SHANK2: variants seen among roughly 807,000 people sequenced by gnomAD.
The protein encoded by SHANK2 is SH3 and multiple ankyrin repeat domains protein 2.
A neutral mutation model predicts 133.7 loss-of-function variants in SHANK2; 43 were observed. The observed-to-expected ratio is 0.32, with a 90% CI of 0.25 to 0.41. The LOEUF (loss-of-function observed/expected upper bound fraction) is 0.41, where lower values mean the gene tolerates loss of function less well. Ranked by LOEUF, SHANK2 falls within the 10% of genes least tolerant of loss-of-function variation. SHANK2 has a pLI of 1.00. For synonymous variants in SHANK2, 1,017 were observed against 952.8 expected (o/e 1.07, Z -1.24); for missense variants, 1,994 against 2,235.8 (o/e 0.89, Z 2.18).
In SHANK2 at chr11:71,085,789, TATATG is replaced by T. The variant is rs1347591251; in HGVS notation, c.912+6628_912+6632del. On this transcript the variant is annotated intron_variant, in intron 8 of 25. Coordinates refer to ENST00000601538, the MANE Select transcript of SHANK2 (RefSeq NM_012309.5). ...TATATATTATATTTATATTATATAA[TATATG>T]ATACAACATAATATATTATGTTATA... 5.6e-3 allele frequency among the ~76,000 whole-genome samples: 412 copies of T among 73,664 alleles called. 7 individuals carry two copies. The highest frequency in any genetic ancestry group is 0.023 in the African/African-American group (396 of 17,558). 48.3% of individuals were successfully genotyped at this position (73,664 alleles called of 152,430 possible). A position where few individuals can be genotyped will look rare whatever the true frequency, so the allele number is the denominator to read the frequency against.
chr11:70,502,720 C>G (rs1265144454), intron 18 of SHANK2, 76 bp downstream of exon 18: 7 of 1,340,432 alleles, frequency 5.2e-6, no homozygotes, highest in East Asian at 2.7e-5. Context: ...CCACTGCCCC[C>G]CAGCTGTCCT....
chr11:71,234,954 G>A (rs1555123506), intron 1 of SHANK2, among the ~76,000 whole-genome samples: 1 of 152,128 alleles, frequency 6.6e-6, no homozygotes, highest in African/African-American at 2.4e-5. Context: ...CACACACAAT[G>A]GAGACACGAA....
intron 6 of SHANK2, among the ~76,000 whole-genome samples, chr11:71,108,509 C>T (rs781889280): frequency 4.6e-5 from 7 of 152,194 alleles, no homozygotes; most frequent in Non-Finnish European, 8.8e-5. Context: ...TTTCCCCTCT[C>T]CCCTTCTCCA....
chr11:70,704,076 C>T (rs1407389024), intron 14 of SHANK2, among the ~76,000 whole-genome samples: 2 of 152,226 alleles, frequency 1.3e-5, no homozygotes, highest in Non-Finnish European at 2.9e-5. Context: ...CAGAGGGAGG[C>T]CAGCCTCCTG....
At chr11:71,167,825 G>T (rs1555111345) in intron 2 of SHANK2, among the ~76,000 whole-genome samples, 1 of 144,976 alleles carries the variant, frequency 6.9e-6, no homozygotes, top group Non-Finnish European at 1.5e-5. Flanking sequence ...CCCGGACGGG[G>T]CGGCCGGCCA....
intron 11 of SHANK2, among the ~76,000 whole-genome samples, chr11:70,852,012 G>A (rs1210568235): frequency 3.3e-5 from 5 of 152,290 alleles, no homozygotes; most frequent in East Asian, 1.9e-4. Context: ...CCTGAAAGCC[G>A]TGAAAATAAA....
chr11:70,879,018 T>G (rs1360615242), intron 11 of SHANK2, among the ~76,000 whole-genome samples: 1 of 152,156 alleles, frequency 6.6e-6, no homozygotes, highest in African/African-American at 2.4e-5. Flanking sequence ...AGGCTACGTA[T>G]CTTCCTGAAG....
In SHANK2 at chr11:70,820,401, C is replaced by T. The variant is rs1477130906; in HGVS notation, c.1456G>A (p.Glu486Lys). ...AGAGGCTGCGGCCTCTTGCCGTCCT[C>T]GCCTGCGCCGCCCAGCCTGTTGAGC... ...PSLNRLGGAG[E>K]DGKRPQPLWH... Residue 486 changes from glutamate to lysine, a missense_variant, in exon 12 of 26, where the codon GAG becomes AAG. By Grantham distance (56) the Glu-to-Lys change is moderately conservative. Transcript: ENST00000601538. The T allele has an allele frequency of 7.3e-6, 5 of 682,666 alleles. No homozygotes were observed. The highest frequency in any genetic ancestry group is 5.5e-5 in the East Asian group (2 of 36,412). 42.3% of individuals were successfully genotyped at this position (682,666 alleles called of 1,614,324 possible).
chr11:70,677,403 G>T (rs939249905), intron 15 of SHANK2, among the ~76,000 whole-genome samples: 2 of 152,150 alleles, frequency 1.3e-5, no homozygotes, highest in African/African-American at 4.8e-5. Flanking sequence ...AGTGTTCCTA[G>T]AACCCGGGCC....
At chr11:70,904,056 C>G (rs562343127) in intron 10 of SHANK2, among the ~76,000 whole-genome samples, 10 of 152,324 alleles carry the variant, frequency 6.6e-5, no homozygotes, top group African/African-American at 2.4e-4. Flanking sequence ...CTGCTATCCA[C>G]CCAGTCCTTG....
chr11:70,930,257 C>G (rs1483686327), intron 10 of SHANK2, among the ~76,000 whole-genome samples: 2 of 152,176 alleles, frequency 1.3e-5, no homozygotes, highest in Non-Finnish European at 2.9e-5. Context: ...CCTTCCCACA[C>G]CACAGACGTC....
chr11:70,825,661 G>T (rs965125367), intron 11 of SHANK2, among the ~76,000 whole-genome samples: 1 of 152,158 alleles, frequency 6.6e-6, no homozygotes, highest in Non-Finnish European at 1.5e-5. Flanking sequence ...ACGAGCTGGG[G>T]CTGGGAAGTA....
At chr11:70,834,518 G>A (rs1565349969) in intron 11 of SHANK2, among the ~76,000 whole-genome samples, 1 of 152,174 alleles carries the variant, frequency 6.6e-6, no homozygotes, top group Admixed American at 6.5e-5. Flanking sequence ...GCAGGTGCAG[G>A]GCAGGTACAA....
At chr11:70,585,246 C>A (rs1187769864) in intron 17 of SHANK2, among the ~76,000 whole-genome samples, 1 of 152,234 alleles carries the variant, frequency 6.6e-6, no homozygotes, top group Middle Eastern at 3.2e-3. Flanking sequence ...AAGCCAAGAG[C>A]TGATGCAAAG....
chr11:70,472,446 C>T lies in SHANK2; in HGVS notation c.*423G>A, dbSNP rs1047362879. The T allele has an allele frequency of 7.7e-6, 2 of 259,610 alleles. No individual in the cohort carries two copies. Among genetic ancestry groups the T allele is most frequent in the Non-Finnish European group, 1.5e-5 (2 of 133,562 alleles). 16.1% of individuals were successfully genotyped at this position (259,610 alleles called of 1,614,324 possible). A position where few individuals can be genotyped will look rare whatever the true frequency, so the allele number is the denominator to read the frequency against. ...ACTGAGGAAAGGCCTCATGCCGGGG[C>T]CTGGGGTGGTGAGAGCTGCCCGGAA... is the stretch of plus-strand genomic sequence containing the variant. On this transcript the variant is annotated 3_prime_UTR_variant, in exon 26 of 26. Coordinates refer to ENST00000601538, the MANE Select transcript of SHANK2 (RefSeq NM_012309.5). This position sits in a 1 kb window ranked among gnomAD's most constrained non-coding sequence, Gnocchi z 4.4.
chr11:70,576,366 C>T (rs2060116029), intron 17 of SHANK2, among the ~76,000 whole-genome samples: 1 of 152,076 alleles, frequency 6.6e-6, no homozygotes, highest in Non-Finnish European at 1.5e-5. Context: ...AAAAAACCCA[C>T]ACTCATGCCT....
chr11:70,849,605 A>G (rs1590755650), intron 11 of SHANK2, among the ~76,000 whole-genome samples: 1 of 152,212 alleles, frequency 6.6e-6, no homozygotes, highest in Admixed American at 6.5e-5. Context: ...GTGTGAGAAC[A>G]TAACACCCTA....
chr11:71,213,103 C>T lies in SHANK2; in HGVS notation c.-13+11594G>A, dbSNP rs781930599. Among the ~76,000 whole-genome samples the T allele has an allele frequency of 3.5e-4, 53 of 152,080 alleles. 1 individual carries two copies. Among genetic ancestry groups the T allele is most frequent in the South Asian group, 2.1e-4 (1 of 4,818 alleles). ...GTTGCAGGGTGCAGGACTGCTGCTG[C>T]CACCCAGGTAAGTCCAGGGGGCTTA... On this transcript the variant is annotated intron_variant, in intron 2 of 25. Transcript: ENST00000601538.
intron 14 of SHANK2, among the ~76,000 whole-genome samples, chr11:70,720,760 T>C (rs1414449855): frequency 6.6e-6 from 1 of 152,046 alleles, no homozygotes; most frequent in African/African-American, 2.4e-5. Context: ...CACACACACA[T>C]TCATGTAGCA....
Sources: allele counts gnomAD v4.1 joint callset (sites outside exome capture counted in the v4.1 genomes callset), GRCh38; gene constraint gnomAD v4.1.1; non-coding constraint Gnocchi (gnomAD v3.1); transcripts MANE v1.5; gene names NCBI Gene and HGNC (gene_info 2026-07-23, HGNC 2026-07-21).